FAIM2: variants seen among roughly 807,000 people sequenced by gnomAD.
FAIM2 encodes protein lifeguard 2.
In FAIM2, 27 loss-of-function variants were observed where a neutral mutation model predicts 47.4. The ratio of observed to expected loss-of-function variants is 0.57; its 90% CI spans 0.42 to 0.78. The LOEUF (loss-of-function observed/expected upper bound fraction) is 0.78. Ranked by LOEUF, FAIM2 falls within the 30% of genes least tolerant of loss-of-function variation. The pLI is 0.00. For missense variants in FAIM2, 311 were observed against 389.4 expected (o/e 0.80, Z 1.69); for synonymous variants, 156 against 159.3 (o/e 0.98, Z 0.16).
In FAIM2 at chr12:49,868,527, T is replaced by C. The variant is rs1189197649; in HGVS notation, c.*1977A>G. 1 of 151,982 alleles carries C rather than the reference T, an allele frequency of 6.6e-6. No individual in the cohort carries two copies. The highest frequency in any genetic ancestry group is 1.5e-5 in the Non-Finnish European group (1 of 68,014). The allele number at this position is 151,982 out of a possible 1,614,324, so 9.4% of individuals were successfully genotyped here. A position where few individuals can be genotyped will look rare whatever the true frequency, so the allele number is the denominator to read the frequency against. On this transcript the variant is annotated 3_prime_UTR_variant, in exon 12 of 12. Transcript: ENST00000320634. The stretch of plus-strand genomic sequence containing the variant: ...GCCGGGTGGCACTGAGGACAAGAAA[T>C]CCCCAGGACATCAGGGCCTGACCAC...
chr12:49,880,392 ATG>A (rs1055265443), intron 11 of FAIM2, among the ~76,000 whole-genome samples: 55 of 148,848 alleles, frequency 3.7e-4, no homozygotes, highest in Admixed American at 1.6e-3. Context: ...CTATGTGTGC[ATG>A]TGAGTGTATG....
chr12:49,900,227 G>A (rs1258101343), intron 2 of FAIM2: 2 of 1,287,422 alleles, frequency 1.6e-6, no homozygotes, highest in African/African-American at 3.0e-5. Context: ...TTTGTAGTGG[G>A]AGGTGTAGAC....
rs1370242448 is a variant in FAIM2, at chr12:49,879,675, CAT to C, written c.801+7709_801+7710del. Among the ~76,000 whole-genome samples, 5 of 131,568 alleles carry C rather than the reference CAT, an allele frequency of 3.8e-5. No homozygotes were observed. The East Asian group carries it at 9.4e-4, about 25-fold the overall frequency. 86.3% of individuals were successfully genotyped at this position (131,568 alleles called of 152,430 possible). A position where few individuals can be genotyped will look rare whatever the true frequency, so the allele number is the denominator to read the frequency against. ...GTGAATGTGTATATGTGAGTGTGTG[CAT>C]GTGTGTATCTGTGTCTGTGTGCATG... is the stretch of plus-strand genomic sequence containing the variant. On this transcript the variant is annotated intron_variant, in intron 11 of 11. Transcript: ENST00000320634.
intron 4 of FAIM2, 32 bp downstream of exon 4, chr12:49,897,487 C>G: frequency 6.2e-7 from 1 of 1,606,818 alleles, no homozygotes; most frequent in Non-Finnish European, 8.5e-7. Flanking sequence ...ATAGTCATCC[C>G]TGGAAGGTGC....
intron 11 of FAIM2, among the ~76,000 whole-genome samples, chr12:49,877,809 CGTATGT>C (rs1241163753): frequency 6.7e-6 from 1 of 149,326 alleles, no homozygotes; most frequent in African/African-American, 2.5e-5. Context: ...TGTGAGTGTG[CGTATGT>C]GTATGTGTGT....
At chr12:49,897,865 A>T (rs1447252808) in intron 3 of FAIM2, 122 bp downstream of exon 3, 1 of 757,876 alleles carries the variant, frequency 1.3e-6, no homozygotes, top group Non-Finnish European at 2.3e-6. Context: ...GGGTGCTGTC[A>T]GCTGGGATCA....
In FAIM2 at chr12:49,878,425, T is replaced by TGC. The variant is rs1946760908; in HGVS notation, c.802-7773_802-7772insGC. ...GTGTGCATGTGAGTGTATGTGTGTGTATATGTGCAAGTGTGTGTCTGAGTG... is the reference window on the plus strand; with the variant it reads ...GTGTGCATGTGAGTGTATGTGTGTGTGCATATGTGCAAGTGTGTGTCTGAGTG... On this transcript the variant is annotated intron_variant, in intron 11 of 11. Transcript: ENST00000320634. Among the ~76,000 whole-genome samples, 2 of 133,446 alleles carry TGC rather than the reference T, an allele frequency of 1.5e-5. 1 individual carries two copies. The highest frequency in any genetic ancestry group is 3.1e-5 in the Non-Finnish European group (2 of 63,798). The allele number at this position is 133,446 out of a possible 152,430, so 87.5% of individuals were successfully genotyped here. A position where few individuals can be genotyped will look rare whatever the true frequency, so the allele number is the denominator to read the frequency against.
At chr12:49,880,639 T>C (rs1217193057) in intron 11 of FAIM2, among the ~76,000 whole-genome samples, 7 of 148,738 alleles carry the variant, frequency 4.7e-5, no homozygotes, top group African/African-American at 7.5e-5. Flanking sequence ...TGTATATATA[T>C]GCATGTGTAT....
intron 11 of FAIM2, among the ~76,000 whole-genome samples, chr12:49,876,930 A>G (rs1019263639): frequency 2.6e-5 from 4 of 152,184 alleles, no homozygotes; most frequent in African/African-American, 9.7e-5. Context: ...TGAGGCACAG[A>G]GCAGTCAGGT....
At chr12:49,880,078 GTA>G (rs1239263137) in intron 11 of FAIM2, among the ~76,000 whole-genome samples, 1 of 151,720 alleles carries the variant, frequency 6.6e-6, no homozygotes, top group Non-Finnish European at 1.5e-5. Flanking sequence ...GTGCATGAGT[GTA>G]TGTGTGTGCC....
chr12:49,899,111 C>T (rs1049413660), intron 2 of FAIM2, among the ~76,000 whole-genome samples: 4 of 152,106 alleles, frequency 2.6e-5, no homozygotes, highest in African/African-American at 9.7e-5. Flanking sequence ...AGTTACTGGC[C>T]TTCCCTGAGC....
rs1029292407 is a variant in FAIM2, at chr12:49,870,041, G to A, written c.*463C>T. The A allele has an allele frequency of 6.5e-6, 1 of 154,258 alleles. No homozygotes were observed. Among genetic ancestry groups the A allele is most frequent in the African/African-American group, 2.4e-5 (1 of 41,500 alleles). 9.6% of individuals were successfully genotyped at this position (154,258 alleles called of 1,614,324 possible). ...TCCCCTACCCCCTTTCTTACAAAGT[G>A]TCAATGCCTGACCTGGATGAGAAAG... On this transcript the variant is annotated 3_prime_UTR_variant, in exon 12 of 12. Coordinates refer to ENST00000320634, the MANE Select transcript of FAIM2 (RefSeq NM_012306.4).
At chr12:49,903,122 G>A (rs951304072) in intron 1 of FAIM2, among the ~76,000 whole-genome samples, 1 of 152,000 alleles carries the variant, frequency 6.6e-6, no homozygotes, top group African/African-American at 2.4e-5. Context: ...AAGCCTACTA[G>A]GCCAGCCGAG....
At chr12:49,871,688 C>T (rs753675807) in intron 11 of FAIM2, among the ~76,000 whole-genome samples, 4 of 142,578 alleles carry the variant, frequency 2.8e-5, no homozygotes, top group Non-Finnish European at 6.0e-5. Flanking sequence ...TTTTTTGAGA[C>T]AGAGTTTCGC....
At chr12:49,896,076 G>A (rs1057245879) in intron 5 of FAIM2, among the ~76,000 whole-genome samples, 4 of 152,180 alleles carry the variant, frequency 2.6e-5, no homozygotes, top group African/African-American at 9.7e-5. Context: ...CCCTGATGTG[G>A]GCTGCGTGTA....
chr12:49,901,494 A>G, intron 1 of FAIM2, 169 bp from the exon 2 acceptor site: 1 of 557,944 alleles, frequency 1.8e-6, no homozygotes, highest in Non-Finnish European at 3.0e-6. Flanking sequence ...CAAGAGAACT[A>G]AGCTCCAGAG....
intron 11 of FAIM2, among the ~76,000 whole-genome samples, chr12:49,880,516 GTGC>G (rs1565615053): frequency 7.4e-6 from 1 of 135,806 alleles, no homozygotes; most frequent in Non-Finnish European, 1.6e-5. Context: ...GAGTGTGTAT[GTGC>G]ATGTGTATAT....
chr12:49,873,086 G>A (rs1946714141), intron 11 of FAIM2, among the ~76,000 whole-genome samples: 1 of 152,094 alleles, frequency 6.6e-6, no homozygotes, highest in South Asian at 2.1e-4. Flanking sequence ...AGCGAAAATG[G>A]GGAGCCATGG....
chr12:49,877,259 G>T lies in FAIM2; in HGVS notation c.802-6606C>A, dbSNP rs1009114878. Reference sequence around the variant, plus strand: ...AACTCCTCAGGAATGAGACAGGCAGGCCGCAGGAGGGGGCCTGCACACTCT... The same window carrying T: ...AACTCCTCAGGAATGAGACAGGCAGTCCGCAGGAGGGGGCCTGCACACTCT... On this transcript the variant is annotated intron_variant, in intron 11 of 11. Coordinates refer to ENST00000320634, the MANE Select transcript of FAIM2 (RefSeq NM_012306.4). Among the ~76,000 whole-genome samples the T allele has an allele frequency of 5.1e-4, 77 of 152,208 alleles. 1 individual carries two copies. Among genetic ancestry groups the T allele is most frequent in the African/African-American group, 1.8e-3 (75 of 41,442 alleles).
Sources: gnomAD v4.1 joint callset for allele counts (sites outside exome capture counted in the v4.1 genomes callset) on GRCh38, gnomAD v4.1.1 for gene constraint, MANE v1.5 for transcripts, NCBI Gene and HGNC (gene_info 2026-07-23, HGNC 2026-07-21) for gene names.